The following SLIT2 variants were observed in gnomAD, a reference collection of about 807,000 sequenced individuals.
SLIT2 encodes the protein slit homolog 2 protein.
SLIT2 carries 41 observed loss-of-function variants against 185.7 expected under a neutral mutation model. The ratio of observed to expected loss-of-function variants is 0.22; its 90% CI spans 0.17 to 0.29. The LOEUF (loss-of-function observed/expected upper bound fraction) is 0.29. SLIT2 is among the 10% of genes least tolerant of loss of function. SLIT2 has a pLI of 1.00. For missense variants in SLIT2, 1,571 were observed against 1,909.0 expected, an observed-to-expected ratio of 0.82 and a Z score of 3.30; for synonymous variants, 693 against 680.2, an observed-to-expected ratio of 1.02 and a Z score of -0.29.
At chr4:20,606,190 A>G (rs1326809291) in intron 33 of SLIT2, among the ~76,000 whole-genome samples, 2 of 152,176 alleles carry the variant, frequency 1.3e-5, no homozygotes, top group Admixed American at 6.5e-5. Context: ...CCATGTGTAA[A>G]ATACTATCTT....
chr4:20,604,822 G>A (rs995229307), intron 33 of SLIT2, among the ~76,000 whole-genome samples: 1 of 151,116 alleles, frequency 6.6e-6, no homozygotes, highest in African/African-American at 2.4e-5. Flanking sequence ...CGTGGAATAT[G>A]TCACCAGATA....
In SLIT2 at chr4:20,484,080, G is replaced by C. The variant is rs1716972093; in HGVS notation, c.540-2120G>C. Among the ~76,000 whole-genome samples, 1 of 151,972 alleles carries C rather than the reference G, an allele frequency of 6.6e-6. No homozygotes were observed. Among genetic ancestry groups the C allele is most frequent in the African/African-American group, 2.4e-5 (1 of 41,408 alleles). On this transcript the variant is annotated intron_variant, in intron 6 of 36. Coordinates refer to ENST00000504154, the MANE Select transcript of SLIT2 (RefSeq NM_004787.4). The surrounding 1 kb of genome is among the most constrained non-coding windows in gnomAD (Gnocchi z 4.3). ...GAGAAAAGACTTCAAATTGATAACT[G>C]AAGTTTTTGGCATTCAATGAAAGTT...
intron 4 of SLIT2, among the ~76,000 whole-genome samples, chr4:20,286,455 T>C (rs1006850894): frequency 3.9e-5 from 6 of 152,162 alleles, no homozygotes; most frequent in African/African-American, 1.4e-4. Flanking sequence ...CCTGCTCCTG[T>C]ATTTCTTTAT....
At chr4:20,405,513 G>A (rs531515699) in intron 4 of SLIT2, among the ~76,000 whole-genome samples, 2 of 151,934 alleles carry the variant, frequency 1.3e-5, no homozygotes, top group Non-Finnish European at 2.9e-5. Context: ...ATGTGTGAGA[G>A]TGTAAAGCAT....
intron 4 of SLIT2, among the ~76,000 whole-genome samples, chr4:20,344,127 C>A (rs752821473): frequency 6.6e-6 from 1 of 152,198 alleles, no homozygotes; most frequent in Non-Finnish European, 1.5e-5. Flanking sequence ...GGATTACAGG[C>A]GTGAGCCACC....
At chr4:20,277,520 T>C (rs1296384432) in intron 4 of SLIT2, among the ~76,000 whole-genome samples, 1 of 151,658 alleles carries the variant, frequency 6.6e-6, no homozygotes, top group Non-Finnish European at 1.5e-5. Flanking sequence ...GTAAAACATT[T>C]GAAATTACTG....
At chr4:20,424,126 T>G (rs1309131404) in intron 4 of SLIT2, among the ~76,000 whole-genome samples, 1 of 152,128 alleles carries the variant, frequency 6.6e-6, no homozygotes, top group African/African-American at 2.4e-5. Context: ...AACTAATGTT[T>G]TTATTGGCAC....
At chr4:20,614,028 C>T (rs937285447) in intron 34 of SLIT2, among the ~76,000 whole-genome samples, 5 of 152,230 alleles carry the variant, frequency 3.3e-5, no homozygotes, top group African/African-American at 9.6e-5. Context: ...CCTGCTACCA[C>T]GCCCAGCTAA....
chr4:20,488,980 G>C lies in SLIT2; in HGVS notation c.773G>C (p.Ser258Thr). 1.2e-6 allele frequency: 2 copies of C among 1,608,796 alleles called. No individual in the cohort carries two copies. Among genetic ancestry groups the C allele is most frequent in the South Asian group, 1.1e-5 (1 of 90,500 alleles). ...AEVQKREFVC[S>T]GHQSFMAPSC... ...GTTCAAAAACGAGAATTTGTCTGCA[G>C]TGGTAAGGGAGAAGGAAGAGTGATG... The change falls in exon 8 of 37, where the codon AGT (serine) becomes ACT (threonine). Residue 258 changes from serine to threonine, a missense_variant and splice_region_variant. Coordinates refer to ENST00000504154, the MANE Select transcript of SLIT2 (RefSeq NM_004787.4).
At chr4:20,364,400 C>G (rs1470322599) in intron 4 of SLIT2, 2 of 321,462 alleles carry the variant, frequency 6.2e-6, no homozygotes, top group Non-Finnish European at 9.0e-6. Context: ...AGCTGACCTG[C>G]CCATTTTAAC....
intron 4 of SLIT2, among the ~76,000 whole-genome samples, chr4:20,319,809 A>AC (rs749728370): frequency 2.2e-5 from 3 of 136,758 alleles, no homozygotes; most frequent in African/African-American, 7.8e-5. Flanking sequence ...TAAAAAACAA[A>AC]ACAAAAAAAA....
intron 4 of SLIT2, among the ~76,000 whole-genome samples, chr4:20,377,728 A>G (rs1314935219): frequency 2.0e-5 from 3 of 152,140 alleles, no homozygotes; most frequent in African/African-American, 7.2e-5. Context: ...CCAAGTAGGT[A>G]GGACAGTTCC....
intron 4 of SLIT2, among the ~76,000 whole-genome samples, chr4:20,350,213 C>A (rs1321407168): frequency 1.3e-5 from 2 of 151,676 alleles, no homozygotes; most frequent in South Asian, 4.2e-4. Flanking sequence ...GCAGAGCATA[C>A]TTTTGATTCT....
rs183117936 is a variant in SLIT2, at chr4:20,299,881, T to C, written c.395+31000T>C. Reference sequence around the variant, plus strand: ...AATACAGTATTTTATATTAATTACCTTTCAGTCATTAATATTGAAATTATT... The same window carrying C: ...AATACAGTATTTTATATTAATTACCCTTCAGTCATTAATATTGAAATTATT... On this transcript the variant is annotated intron_variant, in intron 4 of 36. Transcript: ENST00000504154. 1.1e-4 allele frequency among the ~76,000 whole-genome samples: 17 copies of C among 152,204 alleles called. No individual in the cohort carries two copies. In the East Asian group the frequency reaches 3.1e-3, roughly 28 times the overall value.
In SLIT2 at chr4:20,253,567, A is replaced by G; in HGVS notation, c.-249A>G. 1 of 561,146 alleles carries G rather than the reference A, an allele frequency of 1.8e-6. No homozygotes were observed. The highest frequency in any genetic ancestry group is 3.2e-6 in the Non-Finnish European group (1 of 313,830). The allele number at this position is 561,146 out of a possible 1,614,324, so 34.8% of individuals were successfully genotyped here. ...TCTCCTTGCAGCCCTGGCCAGGCGG[A>G]TTCATCCTCAGGACCTAAAGTTGCC... is the stretch of plus-strand genomic sequence containing the variant. On this transcript the variant is annotated 5_prime_UTR_variant, in exon 1 of 37. Transcript: ENST00000504154.
chr4:20,347,676 T>C (rs916525228), intron 4 of SLIT2, among the ~76,000 whole-genome samples: 6 of 152,338 alleles, frequency 3.9e-5, no homozygotes, highest in South Asian at 2.1e-4. Context: ...CTATTTACTA[T>C]TTTGCTAAAC....
intron 30 of SLIT2, among the ~76,000 whole-genome samples, chr4:20,594,838 G>A (rs1283854093): frequency 6.6e-6 from 1 of 152,098 alleles, no homozygotes; most frequent in East Asian, 1.9e-4. Context: ...AGTGTTTGGG[G>A]GCAAAGTACT....
chr4:20,364,777 G>T (rs1343238521), intron 4 of SLIT2, among the ~76,000 whole-genome samples: 1 of 151,940 alleles, frequency 6.6e-6, no homozygotes, highest in Non-Finnish European at 1.5e-5. Context: ...TAAAACTTTG[G>T]AGATAAATTA....
chr4:20,467,941 G>A (rs924622164), intron 5 of SLIT2, 118 bp downstream of exon 5: 17 of 525,242 alleles, frequency 3.2e-5, no homozygotes, highest in African/African-American at 3.1e-4. Context: ...ATTTATGCTT[G>A]CGTAGGAGAC....
Sources: gnomAD v4.1 joint callset for allele counts (sites outside exome capture counted in the v4.1 genomes callset) on GRCh38, gnomAD v4.1.1 for gene constraint, Gnocchi (gnomAD v3.1) non-coding constraint, MANE v1.5 for transcripts, NCBI Gene and HGNC (gene_info 2026-07-23, HGNC 2026-07-21) for gene names.